The following LRRK2 variants were observed in gnomAD, a reference collection of about 807,000 sequenced individuals.
LRRK2 encodes the protein leucine-rich repeat serine/threonine-protein kinase 2.
A neutral mutation model predicts 302.6 loss-of-function variants in LRRK2; 203 were observed. The ratio of observed to expected loss-of-function variants is 0.67; its 90% CI spans 0.60 to 0.75. The LOEUF (loss-of-function observed/expected upper bound fraction) is 0.75, where lower values mean the gene tolerates loss of function less well. LRRK2 is among the 30% of genes least tolerant of loss of function. The probability of loss-of-function intolerance (pLI) is 0.00; values close to 1 mark genes in which losing one functional copy is unlikely to be tolerated. For synonymous variants in LRRK2, 1,066 were observed against 1,031.9 expected (o/e 1.03, Z -0.63); for missense variants, 2,830 against 2,951.0 (o/e 0.96, Z 0.95).
chr12:40,317,412 C>CA (rs577007026), intron 33 of LRRK2, among the ~76,000 whole-genome samples: 109 of 152,064 alleles, frequency 7.2e-4, no homozygotes, highest in Non-Finnish European at 9.6e-4. Context: ...CAGCTATTAG[C>CA]AAAAATAAAT....
intron 18 of LRRK2, among the ~76,000 whole-genome samples, chr12:40,280,395 G>A (rs752029577): frequency 1.4e-4 from 22 of 152,042 alleles, no homozygotes; most frequent in South Asian, 2.1e-4. Flanking sequence ...AAGTCAAGGC[G>A]GGAGGATCAT....
intron 28 of LRRK2, 81 bp downstream of exon 28, chr12:40,306,047 G>A: frequency 9.2e-7 from 1 of 1,081,166 alleles, no homozygotes; most frequent in Non-Finnish European, 1.4e-6. Context: ...GACATATATT[G>A]TTACTATTTA....
At chr12:40,359,710 A>G (rs1003572989) in intron 47 of LRRK2, among the ~76,000 whole-genome samples, 10 of 152,112 alleles carry the variant, frequency 6.6e-5, no homozygotes, top group Non-Finnish European at 8.8e-5. Flanking sequence ...ATCAATCTAA[A>G]TTTTTTAACA....
intron 14 of LRRK2, among the ~76,000 whole-genome samples, chr12:40,274,187 A>G (rs953992221): frequency 6.6e-6 from 1 of 152,174 alleles, no homozygotes; most frequent in Admixed American, 6.6e-5. Flanking sequence ...CTGGTCAAGT[A>G]TGTAGACTCT....
chr12:40,326,772 C>G (rs1400917382), intron 38 of LRRK2, among the ~76,000 whole-genome samples: 1 of 152,158 alleles, frequency 6.6e-6, no homozygotes, highest in Non-Finnish European at 1.5e-5. Flanking sequence ...TCAATACCAA[C>G]AATCCTAACT....
At chr12:40,250,821 C>T (rs1456756445) in intron 8 of LRRK2, among the ~76,000 whole-genome samples, 1 of 152,202 alleles carries the variant, frequency 6.6e-6, no homozygotes, top group East Asian at 1.9e-4. Flanking sequence ...ATCCGTGTCC[C>T]TGCAAAGGAC....
intron 11 of LRRK2, among the ~76,000 whole-genome samples, chr12:40,256,250 C>T (rs144408122): frequency 7.7e-4 from 117 of 152,198 alleles, no homozygotes; most frequent in South Asian, 2.3e-3. Context: ...AGTTCAAGAC[C>T]AGGCTGGGCA....
At chr12:40,333,042 G>A (rs563777044) in intron 39 of LRRK2, among the ~76,000 whole-genome samples, 1 of 151,768 alleles carries the variant, frequency 6.6e-6, no homozygotes, top group South Asian at 2.1e-4. Flanking sequence ...TCATGGGGCA[G>A]ATCTATATTA....
rs113188763 is a variant in LRRK2, at chr12:40,328,623, G to A, written c.5757+163G>A. Reference sequence around the variant, plus strand: ...TTTTCGTTGTGGAGTAGAAAGTTTTGTGTTATTTCTCCTGTTGAGAAACAA... The same window carrying A: ...TTTTCGTTGTGGAGTAGAAAGTTTTATGTTATTTCTCCTGTTGAGAAACAA... On this transcript the variant is annotated intron_variant, in intron 39 of 50. Coordinates refer to ENST00000298910, the MANE Select transcript of LRRK2 (RefSeq NM_198578.4). Among the ~76,000 whole-genome samples the A allele has an allele frequency of 5.9e-5, 9 of 152,232 alleles. 1 individual carries two copies. The highest frequency in any genetic ancestry group is 2.2e-4 in the African/African-American group (9 of 41,546).
At chr12:40,245,007 A>AG (rs1941915251) in intron 7 of LRRK2, among the ~76,000 whole-genome samples, 1 of 151,314 alleles carries the variant, frequency 6.6e-6, no homozygotes, top group Non-Finnish European at 1.5e-5. Context: ...AGTGAAAAAA[A>AG]AAAAAAAAAG....
At position 40,252,906 on chromosome 12, in the gene LRRK2, A is replaced by G. The variant is rs7135747; in HGVS notation, c.1182-4A>G. 4,561 of 1,608,496 alleles carry G rather than the reference A, an allele frequency of 2.8e-3. 93 individuals are homozygous for G. In the African/African-American group the frequency reaches 0.049, roughly 17 times the overall value. On this transcript the variant is annotated splice_polypyrimidine_tract_variant and splice_region_variant and intron_variant, in intron 10 of 50. Transcript: ENST00000298910. The stretch of plus-strand genomic sequence containing the variant: ...TACTAACATTTTGTTTGAATTTTTG[A>G]AAGTTTCCCAGCTCATAGGGAAGTG...
In LRRK2 at chr12:40,263,388, A is replaced by G. The variant is rs548603980; in HGVS notation, c.1544-401A>G. On this transcript the variant is annotated intron_variant, in intron 13 of 50. Coordinates refer to ENST00000298910, the MANE Select transcript of LRRK2 (RefSeq NM_198578.4). ...TTATTCCAGCTACTCTTTTTTGTCT[A>G]TATTTCATTTCTGCCTTTTTATGTT... 1.1e-4 allele frequency among the ~76,000 whole-genome samples: 8 copies of G among 71,680 alleles called. No individual in the cohort carries two copies. In the East Asian group the frequency reaches 1.4e-3, roughly 12 times the overall value. The allele number at this position is 71,680 out of a possible 152,430, so 47.0% of individuals were successfully genotyped here.
chr12:40,288,734 T>A (rs1357944960), intron 20 of LRRK2, among the ~76,000 whole-genome samples: 1 of 151,922 alleles, frequency 6.6e-6, no homozygotes, highest in Non-Finnish European at 1.5e-5. Flanking sequence ...TTCTTATTTT[T>A]GTGTGAAGTG....
At chr12:40,311,457 A>G (rs1344782874) in intron 31 of LRRK2, among the ~76,000 whole-genome samples, 1 of 152,182 alleles carries the variant, frequency 6.6e-6, no homozygotes, top group Non-Finnish European at 1.5e-5. Context: ...GACAAACATA[A>G]TGATGAATTT....
chr12:40,351,725 A>G lies in LRRK2; in HGVS notation c.6568A>G (p.Thr2190Ala). The G allele has an allele frequency of 1.2e-6, 2 of 1,614,128 alleles. No homozygotes were observed. Among genetic ancestry groups the G allele is most frequent in the Non-Finnish European group, 1.7e-6 (2 of 1,179,972 alleles). ...TCTTGACTTAAATACTGAAGGATAC[A>G]CTTCTGAGGTAAATCCAAATGCTCT... ...SFLDLNTEGYTSEEVADSRIL... is the reference protein window; with the variant it reads ...SFLDLNTEGYASEEVADSRIL... Residue 2190 changes from threonine to alanine, a missense_variant, in exon 44 of 51, where the codon ACT (threonine) becomes GCT (alanine). Thr to Ala is a moderately conservative substitution (Grantham distance 58). This residue lies in a region of LRRK2 where 456 missense variants were observed against 456.3 expected (regional missense o/e 1.00). Coordinates refer to ENST00000298910, the MANE Select transcript of LRRK2 (RefSeq NM_198578.4).
Position 40,304,231 on chromosome 12 carries a change from A to G in LRRK2, c.3777+97A>G. 7.7e-6 allele frequency: 9 copies of G among 1,168,496 alleles called. No homozygotes were observed. The South Asian group carries it at 1.2e-4, about 16-fold the overall frequency. 72.4% of individuals were successfully genotyped at this position (1,168,496 alleles called of 1,614,324 possible). ...TATTTAGCTTCTAAATACCAATTTC[A>G]TGAAACTAGAAGCTTCCTGTTAACT... is the stretch of plus-strand genomic sequence containing the variant. On this transcript the variant is annotated intron_variant, in intron 27 of 50. Coordinates refer to ENST00000298910, the MANE Select transcript of LRRK2 (RefSeq NM_198578.4).
At chr12:40,298,629 C>A in intron 24 of LRRK2, 136 bp downstream of exon 24, 1 of 1,149,814 alleles carries the variant, frequency 8.7e-7, no homozygotes, top group Non-Finnish European at 1.3e-6. Context: ...AAAATTAGCC[C>A]AGCGTGGTGG....
At chr12:40,324,467 T>C (rs1286543854) in intron 38 of LRRK2, among the ~76,000 whole-genome samples, 2 of 152,202 alleles carry the variant, frequency 1.3e-5, no homozygotes, top group Non-Finnish European at 2.9e-5. Flanking sequence ...CTGAGAGTCA[T>C]TGGGACAACT....
At chr12:40,260,101 A>T (rs1942703728) in intron 13 of LRRK2, among the ~76,000 whole-genome samples, 1 of 151,980 alleles carries the variant, frequency 6.6e-6, no homozygotes, top group South Asian at 2.1e-4. Context: ...ATCTGTTATC[A>T]CCTTATTTGT....
Sources: gnomAD v4.1 joint callset for allele counts (sites outside exome capture counted in the v4.1 genomes callset) on GRCh38, gnomAD v4.1.1 for gene constraint, gnomAD v4.1.1 regional missense constraint, MANE v1.5 for transcripts, NCBI Gene and HGNC (gene_info 2026-07-23, HGNC 2026-07-21) for gene names.